Variants in BRF1 observed in about 807,000 individuals in gnomAD.
The protein encoded by BRF1 is BRF1 general transcription factor IIIB subunit.
In BRF1, 59 loss-of-function variants were observed where a neutral mutation model predicts 81.7. That is an observed-to-expected ratio of 0.72 (90% confidence interval 0.59 to 0.90). The LOEUF is 0.90. Among genes scored for constraint, BRF1 ranks in the 40% least tolerant of loss-of-function variants. The probability of loss-of-function intolerance (pLI) is 0.00; values close to 1 mark genes in which losing one functional copy is unlikely to be tolerated. For synonymous variants in BRF1, 491 were observed against 395.6 expected (o/e 1.24, Z -2.86); for missense variants, 1,050 against 936.3 (o/e 1.12, Z -1.58).
chr14:105,248,274 T>A (rs772147735), intron 5 of BRF1: 5 of 985,306 alleles, frequency 5.1e-6, no homozygotes, highest in East Asian at 1.1e-4. Context: ...GACTCCGGAA[T>A]GCAAATGGCC....
upstream of BRF1, among the ~76,000 whole-genome samples, chr14:105,304,094 G>GCAGGACAGTCAGGCAGTA (rs2058108309): frequency 6.6e-6 from 1 of 152,224 alleles, no homozygotes. Context: ...CCACAGCGGT[G>GCAGGACAGTCAGGCAGTA]CAGGACAGTC....
intron 6 of BRF1, 145 bp downstream of exon 6, chr14:105,241,120 C>G (rs760874631): frequency 1.5e-6 from 2 of 1,340,362 alleles, no homozygotes; most frequent in African/African-American, 1.5e-5. Context: ...CCCCGGTGGG[C>G]CAGGCCAGAG....
At chr14:105,311,101 C>T (rs915026321) in intron 1 of BRF1, among the ~76,000 whole-genome samples, 1 of 152,034 alleles carries the variant, frequency 6.6e-6, no homozygotes, top group Non-Finnish European at 1.5e-5. Context: ...TACAGGCGCG[C>T]ACCATCATGC....
chr14:105,227,711 A>T (rs1457202440), intron 7 of BRF1: 1 of 152,312 alleles, frequency 6.6e-6, no homozygotes, highest in African/African-American at 2.4e-5. Flanking sequence ...GGGGCCCTGC[A>T]GGCCTGTGAG....
chr14:105,229,330 G>A (rs965088895), intron 6 of BRF1, among the ~76,000 whole-genome samples: 11 of 152,190 alleles, frequency 7.2e-5, no homozygotes, highest in Non-Finnish European at 1.5e-4. Context: ...GCCACAGTGG[G>A]CCCAGAACCT....
At chr14:105,254,308 G>C (rs1185104701) in intron 4 of BRF1, among the ~76,000 whole-genome samples, 2 of 152,344 alleles carry the variant, frequency 1.3e-5, no homozygotes, top group Non-Finnish European at 2.9e-5. Flanking sequence ...CCAGGCTGGA[G>C]TGCAGTGGTG....
rs587639185 is a variant in BRF1, at chr14:105,216,170, G to C, written c.1772+1374C>G. Among the ~76,000 whole-genome samples, 8 of 152,222 alleles carry C rather than the reference G, an allele frequency of 5.3e-5. No homozygotes were observed. The East Asian group carries it at 7.7e-4, about 15-fold the overall frequency. ...CTGCATGTACATGTATACACACACA[G>C]AGAGACACACATGCACACCCGGGCC... On this transcript the variant is annotated intron_variant, in intron 15 of 17. Coordinates refer to ENST00000547530, the MANE Select transcript of BRF1 (RefSeq NM_001519.4).
rs1040855471 is a variant in BRF1, at chr14:105,284,937, T to C, written c.265+1359A>G. 1.2e-4 allele frequency among the ~76,000 whole-genome samples: 18 copies of C among 151,938 alleles called. No homozygotes were observed. The highest frequency in any genetic ancestry group is 9.8e-4 in the Admixed American group (15 of 15,248). ...CTGCAAGATACAAGATCAATACATA[T>C]CAACTGAGACTAAATTCGACAAAAG... On this transcript the variant is annotated intron_variant, in intron 2 of 17. Coordinates refer to ENST00000547530, the MANE Select transcript of BRF1 (RefSeq NM_001519.4). This position sits in a 1 kb window ranked among gnomAD's most constrained non-coding sequence, Gnocchi z 4.0.
chr14:105,295,156 TCAG>T (rs1381105515), intron 1 of BRF1, among the ~76,000 whole-genome samples: 2 of 151,830 alleles, frequency 1.3e-5, no homozygotes, highest in African/African-American at 4.8e-5. Context: ...CACGCAAGCA[TCAG>T]CAGGAACCCT....
At chr14:105,228,228 C>G (rs2054146688) in intron 7 of BRF1, 1 of 152,402 alleles carries the variant, frequency 6.6e-6, no homozygotes, top group African/African-American at 2.4e-5. Context: ...CTGTTTGTGA[C>G]TTAGGGCAAC....
At chr14:105,250,243 T>C in intron 5 of BRF1, 1 of 1,613,058 alleles carries the variant, frequency 6.2e-7, no homozygotes, top group Non-Finnish European at 8.5e-7. Flanking sequence ...GATTCCAGTC[T>C]TCTGCCTACC....
intron 2 of BRF1, among the ~76,000 whole-genome samples, chr14:105,285,014 A>G (rs1427650872): frequency 6.6e-6 from 1 of 152,252 alleles, no homozygotes; most frequent in East Asian, 1.9e-4. Flanking sequence ...AACAAATTAA[A>G]GAAGACCCAA....
chr14:105,288,053 C>T (rs587754014), intron 1 of BRF1, among the ~76,000 whole-genome samples: 7 of 152,278 alleles, frequency 4.6e-5, no homozygotes, highest in Admixed American at 2.0e-4. Context: ...AAGGTGGTGC[C>T]GGGACGGGGG....
At chr14:105,214,836 C>G (rs752677982) in intron 15 of BRF1, among the ~76,000 whole-genome samples, 6 of 152,194 alleles carry the variant, frequency 3.9e-5, no homozygotes, top group African/African-American at 1.4e-4. Flanking sequence ...CCCCTCCCCA[C>G]GTCGGAGCCT....
At chr14:105,261,044 T>G (rs1426230990) in intron 3 of BRF1, among the ~76,000 whole-genome samples, 1 of 152,230 alleles carries the variant, frequency 6.6e-6, no homozygotes, top group African/African-American at 2.4e-5. Context: ...GCTGAGCAGC[T>G]GCTTCTGACC....
At chr14:105,298,340 G>A (rs907225636) in intron 1 of BRF1, among the ~76,000 whole-genome samples, 5 of 152,178 alleles carry the variant, frequency 3.3e-5, no homozygotes, top group African/African-American at 1.2e-4. Flanking sequence ...AATATAACAG[G>A]TATAGTAAAA....
intron 1 of BRF1, among the ~76,000 whole-genome samples, chr14:105,306,820 C>T (rs1595518728): frequency 2.0e-5 from 3 of 151,930 alleles, no homozygotes; most frequent in South Asian, 4.2e-4. Context: ...TGGCCAGGCT[C>T]GTCTTGAATT....
chr14:105,274,741 G>A (rs999918203), intron 2 of BRF1, among the ~76,000 whole-genome samples: 1 of 152,334 alleles, frequency 6.6e-6, no homozygotes, highest in East Asian at 1.9e-4. Context: ...GGCTGTGTGG[G>A]GAGCACCTGG....
chr14:105,260,454 C>G (rs1367417192), intron 3 of BRF1, among the ~76,000 whole-genome samples: 1 of 152,068 alleles, frequency 6.6e-6, no homozygotes, highest in Non-Finnish European at 1.5e-5. Context: ...TCACTACAAC[C>G]TCTGCCTACC....
Sources: gnomAD v4.1 joint callset for allele counts (sites outside exome capture counted in the v4.1 genomes callset) on GRCh38, gnomAD v4.1.1 for gene constraint, Gnocchi (gnomAD v3.1) non-coding constraint, MANE v1.5 for transcripts, NCBI Gene and HGNC (gene_info 2026-07-23, HGNC 2026-07-21) for gene names.